The following TCN1 variants were observed in gnomAD, a reference collection of about 807,000 sequenced individuals.
TCN1 encodes transcobalamin 1.
A neutral mutation model predicts 46.3 loss-of-function variants in TCN1; 47 were observed. The observed-to-expected ratio is 1.01, with a 90% CI of 0.80 to 1.29. The LOEUF (loss-of-function observed/expected upper bound fraction) is 1.29. TCN1 is among the 50% of genes most tolerant of loss of function. The probability of loss-of-function intolerance (pLI) is 0.00; values close to 1 mark genes in which losing one functional copy is unlikely to be tolerated. For missense variants in TCN1, 532 were observed against 511.0 expected, an observed-to-expected ratio of 1.04 and a Z score of -0.40; for synonymous variants, 183 against 192.5, an observed-to-expected ratio of 0.95 and a Z score of 0.41.
At chr11:59,865,835 T>C (rs555679533) in intron 1 of TCN1, among the ~76,000 whole-genome samples, 9 of 152,154 alleles carry the variant, frequency 5.9e-5, no homozygotes, top group Non-Finnish European at 8.8e-5. Context: ...TCAACACCCA[T>C]GCAAGAGATG....
At chr11:59,857,217 A>T (rs981546638) in intron 5 of TCN1, among the ~76,000 whole-genome samples, 5 of 152,178 alleles carry the variant, frequency 3.3e-5, no homozygotes, top group Non-Finnish European at 5.9e-5. Flanking sequence ...TTAGCTCTTG[A>T]TCCTACTGTG....
intron 3 of TCN1, 45 bp from the exon 4 acceptor site, chr11:59,861,727 T>C (rs1212662360): frequency 1.3e-6 from 2 of 1,592,254 alleles, no homozygotes; most frequent in Non-Finnish European, 1.7e-6. Context: ...GAAGTGGTAA[T>C]GGCGTATGCA....
chr11:59,856,104 G>T (rs1275553840), intron 5 of TCN1, 46 bp from the exon 6 acceptor site: 2 of 1,466,110 alleles, frequency 1.4e-6, no homozygotes, highest in Non-Finnish European at 1.9e-6. Flanking sequence ...GATAAAGAGA[G>T]ACAGAGAGAG....
At chr11:59,859,689 C>T (rs1269659219) in intron 4 of TCN1, among the ~76,000 whole-genome samples, 23 of 152,262 alleles carry the variant, frequency 1.5e-4, no homozygotes, top group South Asian at 8.3e-4. Context: ...CTGTGTTGTT[C>T]AGCTATTTCT....
intron 1 of TCN1, among the ~76,000 whole-genome samples, chr11:59,865,162 T>C (rs559248565): frequency 2.0e-5 from 3 of 152,252 alleles, no homozygotes; most frequent in African/African-American, 7.2e-5. Flanking sequence ...TTCTTTACTT[T>C]AAAAGAATGA....
chr11:59,860,664 A>G (rs1349374162), intron 4 of TCN1, among the ~76,000 whole-genome samples: 1 of 152,138 alleles, frequency 6.6e-6, no homozygotes, highest in Non-Finnish European at 1.5e-5. Flanking sequence ...GTTTCATTAG[A>G]CTGATTAGAA....
chr11:59,854,201 G>A (rs1040152457), intron 7 of TCN1, among the ~76,000 whole-genome samples: 4 of 151,404 alleles, frequency 2.6e-5, no homozygotes, highest in Admixed American at 2.0e-4. Flanking sequence ...AGACCAGCCT[G>A]TGCAACATAG....
chr11:59,862,480 C>G, intron 3 of TCN1, 102 bp downstream of exon 3: 1 of 1,406,312 alleles, frequency 7.1e-7, no homozygotes, highest in South Asian at 1.2e-5. Context: ...GTGAGATGAA[C>G]GGGATGAAGA....
intron 5 of TCN1, 106 bp from the exon 6 acceptor site, chr11:59,856,164 G>A: frequency 1.1e-6 from 1 of 873,760 alleles, no homozygotes; most frequent in African/African-American, 1.7e-5. Context: ...AACTATATAT[G>A]TAACTAATTC....
At chr11:59,863,838 G>A (rs1853043178) in intron 2 of TCN1, 69 bp downstream of exon 2, 1 of 1,569,248 alleles carries the variant, frequency 6.4e-7, no homozygotes, top group Non-Finnish European at 8.7e-7. Context: ...AATTTTTTAG[G>A]ATTAGTTGCA....
In TCN1 at chr11:59,863,993, A is replaced by G. The variant is rs145176701; in HGVS notation, c.173T>C (p.Val58Ala). 120 of 1,613,884 alleles carry G rather than the reference A, an allele frequency of 7.4e-5. 1 individual carries two copies. Among genetic ancestry groups the G allele is most frequent in the Non-Finnish European group, 1.4e-5 (17 of 1,179,872 alleles). The change falls in exon 2 of 9, where the codon GTG becomes GCG. Residue 58 changes from valine (V) to alanine (A), a missense_variant. Physicochemically the swap from Val to Ala is moderately conservative, Grantham distance 64 (BLOSUM62 0). Transcript: ENST00000257264. ...GATTCCAACAAGTTTGAGGGACAAC[A>G]CAACATTGACAGCGCTGGTTCCCCT... ...YNRGTSAVNV[V>A]LSLKLVGIQI...
chr11:59,855,230 T>C (rs1350734069), intron 6 of TCN1, among the ~76,000 whole-genome samples: 1 of 152,334 alleles, frequency 6.6e-6, no homozygotes, highest in East Asian at 1.9e-4. Context: ...ATACTAATCA[T>C]TTTACATGGA....
Position 59,852,874 on chromosome 11 carries a change from T to C in TCN1, c.*101A>G. ...AGAGAGAAGGGGAGGTTATTAACTC[T>C]CCTGCTCGTACTGGGATAAATGAAG... is the stretch of plus-strand genomic sequence containing the variant. On this transcript the variant is annotated 3_prime_UTR_variant, in exon 9 of 9. Transcript: ENST00000257264. 1 of 1,093,156 alleles carries C rather than the reference T, an allele frequency of 9.1e-7. No homozygotes were observed. Among genetic ancestry groups the C allele is most frequent in the Non-Finnish European group, 1.4e-6 (1 of 705,914 alleles). 67.7% of individuals were successfully genotyped at this position (1,093,156 alleles called of 1,614,324 possible).
At chr11:59,856,137 G>C in intron 5 of TCN1, 79 bp from the exon 6 acceptor site, 2 of 1,201,010 alleles carry the variant, frequency 1.7e-6, no homozygotes. Context: ...TTCAAATAAG[G>C]GGGAAGCCTT....
intron 4 of TCN1, among the ~76,000 whole-genome samples, chr11:59,860,779 T>A (rs943138552): frequency 6.6e-6 from 1 of 152,240 alleles, no homozygotes; most frequent in Non-Finnish European, 1.5e-5. Context: ...GGCTTGATAC[T>A]TGGTGTCTCC....
intron 1 of TCN1, 82 bp from the exon 2 acceptor site, chr11:59,864,168 A>G (rs1853047716): frequency 6.8e-7 from 1 of 1,480,830 alleles, no homozygotes; most frequent in Non-Finnish European, 9.4e-7. Flanking sequence ...AAAAATATTT[A>G]GTAACAGATA....
At chr11:59,857,338 T>A (rs1378954640) in intron 5 of TCN1, among the ~76,000 whole-genome samples, 1 of 152,168 alleles carries the variant, frequency 6.6e-6, no homozygotes, top group Non-Finnish European at 1.5e-5. Context: ...TTCTAAGAGC[T>A]CCTTCAGGTG....
chr11:59,864,747 C>T (rs1853054379), intron 1 of TCN1, among the ~76,000 whole-genome samples: 4 of 152,126 alleles, frequency 2.6e-5, no homozygotes. Context: ...AAATCCATAG[C>T]TCCCAAGGAA....
chr11:59,864,215 G>T, intron 1 of TCN1, 129 bp from the exon 2 acceptor site: 1 of 1,049,224 alleles, frequency 9.5e-7, no homozygotes, highest in Non-Finnish European at 1.4e-6. Flanking sequence ...GCTGCAGACT[G>T]TGTTGGTGGA....
Sources: allele counts gnomAD v4.1 joint callset (sites outside exome capture counted in the v4.1 genomes callset), GRCh38; gene constraint gnomAD v4.1.1; transcripts MANE v1.5; gene names NCBI Gene and HGNC (gene_info 2026-07-23, HGNC 2026-07-21).